The following NCOA3 variants were observed in gnomAD, a reference collection of about 807,000 sequenced individuals.
NCOA3 encodes nuclear receptor coactivator 3.
In NCOA3, 51 loss-of-function variants were observed where a neutral mutation model predicts 158.8. The observed-to-expected ratio is 0.32, with a 90% CI of 0.26 to 0.41. The LOEUF (loss-of-function observed/expected upper bound fraction) is 0.41, where lower values mean the gene tolerates loss of function less well. NCOA3 is among the 10% of genes least tolerant of loss of function. The pLI is 1.00. For synonymous variants in NCOA3, 537 were observed against 592.4 expected, an observed-to-expected ratio of 0.91 and a Z score of 1.36; for missense variants, 1,510 against 1,746.6, an observed-to-expected ratio of 0.86 and a Z score of 2.41.
chr20:47,600,727 T>G (rs2085847119), intron 2 of NCOA3, among the ~76,000 whole-genome samples: 1 of 148,308 alleles, frequency 6.7e-6, no homozygotes, highest in Non-Finnish European at 1.5e-5. Flanking sequence ...TGTTGCCCAG[T>G]CTGGTTTCGA....
intron 3 of NCOA3, 116 bp from the exon 4 acceptor site, chr20:47,623,795 A>G (rs2086279331): frequency 1.6e-4 from 97 of 624,332 alleles, no homozygotes; most frequent in Admixed American, 2.1e-4. Flanking sequence ...GTCTCGAGGA[A>G]AAAAAAAAAA....
At chr20:47,576,951 G>A (rs1001837648) in intron 1 of NCOA3, among the ~76,000 whole-genome samples, 1 of 152,134 alleles carries the variant, frequency 6.6e-6, no homozygotes, top group African/African-American at 2.4e-5. Flanking sequence ...GCAAGCAAGC[G>A]GCTTGCTTGA....
At chr20:47,559,527 A>G (rs185269337) in intron 1 of NCOA3, among the ~76,000 whole-genome samples, 1 of 152,150 alleles carries the variant, frequency 6.6e-6, no homozygotes, top group African/African-American at 2.4e-5. Context: ...TCTCTTTCTT[A>G]CTAAATGTCC....
intron 1 of NCOA3, among the ~76,000 whole-genome samples, chr20:47,565,353 C>T (rs1471910101): frequency 6.6e-6 from 1 of 152,126 alleles, no homozygotes; most frequent in Non-Finnish European, 1.5e-5. Context: ...TTCCCTTATC[C>T]AGAGGCAGTG....
chr20:47,603,727 C>T (rs2085900795), intron 2 of NCOA3, among the ~76,000 whole-genome samples: 1 of 152,202 alleles, frequency 6.6e-6, no homozygotes, highest in African/African-American at 2.4e-5. Context: ...CCCATCTCCT[C>T]TCTGACCGTC....
At chr20:47,527,466 GTTC>G (rs2084475396) in intron 1 of NCOA3, among the ~76,000 whole-genome samples, 2 of 152,060 alleles carry the variant, frequency 1.3e-5, no homozygotes, top group Admixed American at 6.6e-5. Context: ...GCATATATGA[GTTC>G]TTATTTTGTT....
Position 47,637,739 on chromosome 20 carries a change from A to G in NCOA3, c.2468A>G (p.His823Arg). 6.2e-7 allele frequency: 1 copy of G among 1,612,026 alleles called. No individual in the cohort carries two copies. Among genetic ancestry groups the G allele is most frequent in the Non-Finnish European group, 8.5e-7 (1 of 1,179,302 alleles). The part of the protein sequence containing the change: ...YNNSISSNGS[H>R]LGTKQQVFQG... ...AATTCCATATCCTCAAATGGTAGTC[A>G]TCTGGGGACTAAGCAACAGGTGTTT... The change falls in exon 13 of 23, where the codon CAT becomes CGT. Residue 823 changes from histidine to arginine, a missense_variant. Physicochemically the swap from His to Arg is conservative, Grantham distance 29. Around this residue, in one of 4 missense-constraint regions of NCOA3, gnomAD observed 1,017 missense variants for 1,098.3 expected, o/e 0.93. Coordinates refer to ENST00000371998, the MANE Select transcript of NCOA3 (RefSeq NM_181659.3).
chr20:47,610,237 T>G (rs2086021588), intron 2 of NCOA3, among the ~76,000 whole-genome samples: 1 of 152,194 alleles, frequency 6.6e-6, no homozygotes, highest in Admixed American at 6.5e-5. Flanking sequence ...TTATTGTTAC[T>G]GTTTTGAGAC....
intron 1 of NCOA3, among the ~76,000 whole-genome samples, chr20:47,554,319 G>A (rs545319311): frequency 3.2e-4 from 48 of 152,080 alleles, no homozygotes; most frequent in African/African-American, 1.1e-3. Context: ...AGATGAGTAG[G>A]TTGCAAAAAT....
At position 47,553,122 on chromosome 20, in the gene NCOA3, A is replaced by G. The variant is rs557053182; in HGVS notation, c.-98-30061A>G. On this transcript the variant is annotated intron_variant, in intron 1 of 22. Coordinates refer to ENST00000371998, the MANE Select transcript of NCOA3 (RefSeq NM_181659.3). Reference sequence around the variant, plus strand: ...CTAATTTTCGTATTTTTATGTAGAGACGGGGTTTCGCCATGTTGCTCAGTC... The same window carrying G: ...CTAATTTTCGTATTTTTATGTAGAGGCGGGGTTTCGCCATGTTGCTCAGTC... Among the ~76,000 whole-genome samples the G allele has an allele frequency of 5.9e-5, 9 of 152,062 alleles. 1 individual carries two copies. Among genetic ancestry groups the G allele is most frequent in the Admixed American group, 5.9e-4 (9 of 15,272 alleles).
chr20:47,606,892 G>A (rs2085956530), intron 2 of NCOA3, among the ~76,000 whole-genome samples: 1 of 152,194 alleles, frequency 6.6e-6, no homozygotes, highest in African/African-American at 2.4e-5. Flanking sequence ...TTATAAGTAA[G>A]TAAACTTGAA....
At chr20:47,504,626 A>G (rs1041865553) in intron 1 of NCOA3, among the ~76,000 whole-genome samples, 1 of 151,874 alleles carries the variant, frequency 6.6e-6, no homozygotes, top group African/African-American at 2.4e-5. Context: ...AAGATGGTGA[A>G]ACCCCTTCAC....
chr20:47,501,888 G>A lies in NCOA3; in HGVS notation c.-230G>A, dbSNP rs1174708701. 5.0e-6 allele frequency: 2 copies of A among 398,778 alleles called. No individual in the cohort carries two copies. The highest frequency in any genetic ancestry group is 8.8e-6 in the Non-Finnish European group (2 of 226,070). The allele number at this position is 398,778 out of a possible 1,614,324, so 24.7% of individuals were successfully genotyped here. ...CAGTGGCCCCCGTGCGGCGACTTTA[G>A]CTGCTGCTGTCTCAGCCGCTCCACA... On this transcript the variant is annotated 5_prime_UTR_variant, in exon 1 of 23. Transcript: ENST00000371998.
chr20:47,530,149 TGA>T (rs1354453792), intron 1 of NCOA3, among the ~76,000 whole-genome samples: 2 of 152,368 alleles, frequency 1.3e-5, no homozygotes, highest in African/African-American at 4.8e-5. Context: ...CATCTCTGCC[TGA>T]ATAGTGTGGC....
In NCOA3 at chr20:47,653,825, T is replaced by C. The variant is rs1400161625; in HGVS notation, c.*408T>C. 4.9e-6 allele frequency: 1 copy of C among 202,164 alleles called. No homozygotes were observed. The highest frequency in any genetic ancestry group is 5.3e-5 in the Admixed American group (1 of 18,784). 12.5% of individuals were successfully genotyped at this position (202,164 alleles called of 1,614,324 possible). On this transcript the variant is annotated 3_prime_UTR_variant, in exon 23 of 23. Transcript: ENST00000371998. ...AAGAGAGATTAGAATATCTGGTTTC[T>C]CTAGTTGCAGTATTGGACAAAGAGC...
At chr20:47,566,980 C>A (rs1007788399) in intron 1 of NCOA3, among the ~76,000 whole-genome samples, 1 of 151,842 alleles carries the variant, frequency 6.6e-6, no homozygotes, top group Non-Finnish European at 1.5e-5. Context: ...TAAAAAAGTA[C>A]TATTAGTACT....
intron 1 of NCOA3, among the ~76,000 whole-genome samples, chr20:47,562,333 A>G (rs950136735): frequency 6.6e-6 from 1 of 152,222 alleles, no homozygotes. Flanking sequence ...CTGTCTTCCA[A>G]AATGGCTTTT....
At chr20:47,616,856 T>A (rs6018590) in intron 2 of NCOA3, among the ~76,000 whole-genome samples, 1 of 152,144 alleles carries the variant, frequency 6.6e-6, no homozygotes, top group Admixed American at 6.5e-5. Context: ...GATTACTTGG[T>A]AGCAAGTATA....
intron 1 of NCOA3, among the ~76,000 whole-genome samples, chr20:47,580,558 C>T (rs1029210156): frequency 1.3e-5 from 2 of 151,966 alleles, no homozygotes; most frequent in African/African-American, 4.8e-5. Flanking sequence ...ACTCCATCCC[C>T]CACCCCCATC....
Sources: gnomAD v4.1 joint callset for allele counts (sites outside exome capture counted in the v4.1 genomes callset) on GRCh38, gnomAD v4.1.1 for gene constraint, gnomAD v4.1.1 regional missense constraint, MANE v1.5 for transcripts, NCBI Gene and HGNC (gene_info 2026-07-23, HGNC 2026-07-21) for gene names.